Variants in CNBD1 observed in about 807,000 individuals in gnomAD.
The protein encoded by CNBD1 is cyclic nucleotide-binding domain-containing protein 1.
A neutral mutation model predicts 54.4 loss-of-function variants in CNBD1; 71 were observed. The observed-to-expected ratio is 1.30, with a 90% CI of 1.08 to 1.59. The LOEUF is 1.59. Ranked by LOEUF, CNBD1 falls within the 40% of genes most tolerant of loss-of-function variation. The pLI, the probability that CNBD1 is intolerant of heterozygous loss-of-function variation, is 0.00. For synonymous variants in CNBD1, 182 were observed against 170.7 expected (o/e 1.07, Z -0.51); for missense variants, 659 against 518.0 (o/e 1.27, Z -2.64).
chr8:86,989,702 C>T (rs575376134), intron 4 of CNBD1, among the ~76,000 whole-genome samples: 10 of 152,216 alleles, frequency 6.6e-5, no homozygotes, highest in Admixed American at 3.3e-4. Context: ...CCACCCACCT[C>T]GGCCTCCCAA....
chr8:87,359,078 C>A (rs1303980347), intron 10 of CNBD1, among the ~76,000 whole-genome samples: 1 of 152,134 alleles, frequency 6.6e-6, no homozygotes, highest in Non-Finnish European at 1.5e-5. Flanking sequence ...TCCCTTAGCC[C>A]AGTCAAGGTG....
intron 10 of CNBD1, among the ~76,000 whole-genome samples, chr8:87,354,820 G>T (rs1284538148): frequency 6.6e-6 from 1 of 152,044 alleles, no homozygotes; most frequent in Non-Finnish European, 1.5e-5. Flanking sequence ...TGGACATTTG[G>T]GTTGGTTCCA....
chr8:86,906,628 G>A (rs953339517), intron 3 of CNBD1, among the ~76,000 whole-genome samples: 4 of 152,180 alleles, frequency 2.6e-5, no homozygotes, highest in Non-Finnish European at 5.9e-5. Context: ...TGATTAGAAA[G>A]AGACCTGTAA....
At chr8:87,428,585 C>G in exon 3 of CNBD1, 1 of 455,060 alleles carries the variant, frequency 2.2e-6, no homozygotes, top group Non-Finnish European at 4.4e-6. Flanking sequence ...CTCCAAACAG[C>G]TAAACCAACT....
At chr8:86,951,485 C>G (rs1249988667) in intron 4 of CNBD1, among the ~76,000 whole-genome samples, 1 of 143,316 alleles carries the variant, frequency 7.0e-6, no homozygotes, top group Non-Finnish European at 1.5e-5. Context: ...GAGGCTGAGA[C>G]AGGAGAATCA....
chr8:87,419,895 C>A (rs1419891902), intron 2 of CNBD1, among the ~76,000 whole-genome samples: 4 of 150,464 alleles, frequency 2.7e-5, no homozygotes, highest in African/African-American at 9.7e-5. Context: ...ATATTGAAAC[C>A]TGATAAGGAC....
In CNBD1 at chr8:87,068,225, T is replaced by C. The variant is rs745309228; in HGVS notation, c.431+128471T>C. On this transcript the variant is annotated intron_variant, in intron 4 of 10. Transcript: ENST00000518476. The stretch of plus-strand genomic sequence containing the variant: ...TCTTACTCATCAAATTCTGACAAAG[T>C]GTTTAGTTAATTTACAAACCACTTG... Among the ~76,000 whole-genome samples, 16 of 152,082 alleles carry C rather than the reference T, an allele frequency of 1.1e-4. 1 individual carries two copies. Among genetic ancestry groups the C allele is most frequent in the Non-Finnish European group, 2.1e-4 (14 of 67,942 alleles).
intron 6 of CNBD1, among the ~76,000 whole-genome samples, chr8:87,242,411 A>G (rs897488604): frequency 2.6e-5 from 4 of 152,216 alleles, no homozygotes; most frequent in Non-Finnish European, 5.9e-5. Flanking sequence ...TCTGCATAAT[A>G]AGAACTTTGG....
intron 4 of CNBD1, among the ~76,000 whole-genome samples, chr8:87,151,100 T>A (rs777442759): frequency 3.9e-5 from 6 of 152,104 alleles, no homozygotes; most frequent in Non-Finnish European, 7.4e-5. Context: ...CAACCAAACT[T>A]CAGAATGGCA....
chr8:87,334,719 C>CTTT (rs758083191), intron 8 of CNBD1, among the ~76,000 whole-genome samples: 2 of 126,154 alleles, frequency 1.6e-5, no homozygotes, highest in Non-Finnish European at 1.7e-5. Flanking sequence ...TTTCTTTTTT[C>CTTT]TTTTCTTTTT....
intron 2 of CNBD1, among the ~76,000 whole-genome samples, chr8:87,418,587 G>A (rs1279866484): frequency 6.6e-6 from 1 of 151,714 alleles, no homozygotes; most frequent in Non-Finnish European, 1.5e-5. Flanking sequence ...TACAAAAAAG[G>A]AAAAAGTATT....
intron 10 of CNBD1, among the ~76,000 whole-genome samples, chr8:87,362,976 G>T (rs142983067): frequency 6.6e-6 from 1 of 151,862 alleles, no homozygotes; most frequent in Non-Finnish European, 1.5e-5. Context: ...TCTATATTAG[G>T]TATTTCTCCT....
At chr8:87,352,090 A>G (rs1259670854) in intron 9 of CNBD1, among the ~76,000 whole-genome samples, 1 of 152,202 alleles carries the variant, frequency 6.6e-6, no homozygotes, top group African/African-American at 2.4e-5. Context: ...TACTACAAAC[A>G]TACCAGATTG....
chr8:87,370,908 G>C (rs1202413782), intron 10 of CNBD1, among the ~76,000 whole-genome samples: 3 of 151,360 alleles, frequency 2.0e-5, no homozygotes, highest in Admixed American at 1.3e-4. Flanking sequence ...TTTTGTATAA[G>C]GTATAAGGAA....
chr8:87,362,101 G>T lies in CNBD1; in HGVS notation c.1303+8315G>T, dbSNP rs150160279. On this transcript the variant is annotated intron_variant, in intron 10 of 10. Transcript: ENST00000518476. The stretch of plus-strand genomic sequence containing the variant: ...ATGCTTACTTAAAATCTACTTCAAT[G>T]ACACTCTTTAGGTTACTTTTCAAAA... Among the ~76,000 whole-genome samples, 436 of 152,128 alleles carry T rather than the reference G, an allele frequency of 2.9e-3. 5 individuals are homozygous for T. The highest frequency in any genetic ancestry group is 9.4e-3 in the African/African-American group (390 of 41,534).
At chr8:87,415,241 A>G (rs535438290) in intron 2 of CNBD1, among the ~76,000 whole-genome samples, 7 of 152,166 alleles carry the variant, frequency 4.6e-5, no homozygotes, top group African/African-American at 1.4e-4. Flanking sequence ...GAGCATATCA[A>G]TTACTGGTAC....
intron 4 of CNBD1, among the ~76,000 whole-genome samples, chr8:87,165,843 T>C (rs1812951110): frequency 6.6e-6 from 1 of 151,998 alleles, no homozygotes; most frequent in Non-Finnish European, 1.5e-5. Flanking sequence ...CTATTGTTTA[T>C]TTGCCGTCAT....
chr8:87,409,779 T>C (rs916367437), intron 2 of CNBD1, among the ~76,000 whole-genome samples: 2 of 151,964 alleles, frequency 1.3e-5, no homozygotes, highest in African/African-American at 4.8e-5. Context: ...TCCTAGCACT[T>C]TGGGAGGCTG....
chr8:87,406,373 A>G (rs1807652749), intron 2 of CNBD1, among the ~76,000 whole-genome samples: 1 of 151,910 alleles, frequency 6.6e-6, no homozygotes, highest in African/African-American at 2.4e-5. Context: ...TTCTCAATGC[A>G]TTAAAAAGTA....
Sources: gnomAD v4.1 joint callset for allele counts (sites outside exome capture counted in the v4.1 genomes callset) on GRCh38, gnomAD v4.1.1 for gene constraint, MANE v1.5 for transcripts, NCBI Gene and HGNC (gene_info 2026-07-23, HGNC 2026-07-21) for gene names.